Variants in PTPRT observed in about 807,000 individuals in gnomAD.
PTPRT encodes protein tyrosine phosphatase receptor type T.
A neutral mutation model predicts 176.8 loss-of-function variants in PTPRT; 56 were observed. That is an observed-to-expected ratio of 0.32 (90% CI 0.26 to 0.40). The LOEUF is 0.40. PTPRT is among the 10% of genes least tolerant of loss of function. PTPRT has a pLI of 1.00. For missense variants in PTPRT, 1,540 were observed against 1,908.2 expected (o/e 0.81, Z 3.60); for synonymous variants, 783 against 739.0 (o/e 1.06, Z -0.96).
chr20:42,965,539 A>T (rs556478087), intron 1 of PTPRT, among the ~76,000 whole-genome samples: 2 of 152,314 alleles, frequency 1.3e-5, no homozygotes, highest in African/African-American at 4.8e-5. Flanking sequence ...TTTAACAAAC[A>T]CCTCATGGAA....
intron 1 of PTPRT, among the ~76,000 whole-genome samples, chr20:42,942,345 T>C (rs1980607396): frequency 6.6e-6 from 1 of 152,188 alleles, no homozygotes; most frequent in African/African-American, 2.4e-5. Context: ...GAAGAACATA[T>C]ACAAACAAAT....
At chr20:42,916,698 C>T (rs1041649166) in intron 1 of PTPRT, among the ~76,000 whole-genome samples, 4 of 152,162 alleles carry the variant, frequency 2.6e-5, no homozygotes, top group Non-Finnish European at 5.9e-5. Context: ...TTTTGATTTG[C>T]ATTTCTCTGA....
At chr20:42,911,976 C>CTTTT (rs11475084) in intron 1 of PTPRT, among the ~76,000 whole-genome samples, 2 of 124,318 alleles carry the variant, frequency 1.6e-5, no homozygotes, top group African/African-American at 3.0e-5. Context: ...ATCCTCTTTT[C>CTTTT]TTTTTTTTTT....
At chr20:42,872,887 G>T (rs1456886215) in intron 2 of PTPRT, among the ~76,000 whole-genome samples, 1 of 152,136 alleles carries the variant, frequency 6.6e-6, no homozygotes, top group African/African-American at 2.4e-5. Context: ...TCTGGGATGA[G>T]TTCCCAGGGA....
At chr20:42,155,820 C>T (rs771953771) in intron 17 of PTPRT, among the ~76,000 whole-genome samples, 11 of 152,166 alleles carry the variant, frequency 7.2e-5, no homozygotes, top group Non-Finnish European at 1.3e-4. Context: ...GAATTACTGT[C>T]CCAGCCGCCT....
At chr20:42,817,757 G>C (rs1396552332) in intron 2 of PTPRT, among the ~76,000 whole-genome samples, 1 of 152,196 alleles carries the variant, frequency 6.6e-6, no homozygotes, top group African/African-American at 2.4e-5. Flanking sequence ...GTGGCAGTCT[G>C]AGGCCAGCGT....
chr20:42,050,535 CACAATG>C, the PTPRT span, among the ~76,000 whole-genome samples: 1 of 152,138 alleles, frequency 6.6e-6, no homozygotes, highest in Non-Finnish European at 1.5e-5. Context: ...GGCTGTCTCC[CACAATG>C]GACCATGTAT....
At chr20:42,671,884 C>A (rs2146041036) in intron 7 of PTPRT, among the ~76,000 whole-genome samples, 1 of 152,212 alleles carries the variant, frequency 6.6e-6, no homozygotes, top group African/African-American at 2.4e-5. Flanking sequence ...CTAAGAAGTC[C>A]CTTTGATCCT....
chr20:42,562,688 ATGCCCAGAGGCACCT>A (rs894052088), intron 7 of PTPRT, among the ~76,000 whole-genome samples: 2 of 152,190 alleles, frequency 1.3e-5, no homozygotes, highest in Admixed American at 1.3e-4. Flanking sequence ...GCACATTTTG[ATGCCCAGAGGCACCT>A]GAGGCTCAGC....
At chr20:42,807,765 C>T (rs1437710908) in intron 2 of PTPRT, among the ~76,000 whole-genome samples, 2 of 152,214 alleles carry the variant, frequency 1.3e-5, no homozygotes, top group Non-Finnish European at 2.9e-5. Flanking sequence ...CATTTGTTCA[C>T]TCATTCATTC....
chr20:42,840,914 A>G (rs1218944427), intron 2 of PTPRT, among the ~76,000 whole-genome samples: 1 of 152,034 alleles, frequency 6.6e-6, no homozygotes, highest in Non-Finnish European at 1.5e-5. Flanking sequence ...AGAAGCCTCT[A>G]CCTTTCTCCT....
intron 1 of PTPRT, among the ~76,000 whole-genome samples, chr20:42,956,918 CA>C (rs1284898729): frequency 6.6e-6 from 1 of 152,126 alleles, no homozygotes; most frequent in Non-Finnish European, 1.5e-5. Flanking sequence ...CATTCAGTGG[CA>C]AAAAGCATTC....
intron 1 of PTPRT, among the ~76,000 whole-genome samples, chr20:43,080,295 C>T (rs1281795173): frequency 1.3e-5 from 2 of 152,212 alleles, no homozygotes; most frequent in Non-Finnish European, 2.9e-5. Flanking sequence ...AGCCTGGCTC[C>T]TGCAGTGACG....
At chr20:43,035,750 G>A (rs1162962342) in intron 1 of PTPRT, among the ~76,000 whole-genome samples, 1 of 152,228 alleles carries the variant, frequency 6.6e-6, no homozygotes, top group Non-Finnish European at 1.5e-5. Context: ...TAAGAAAACA[G>A]AATTTGGAGT....
At chr20:42,921,316 C>G (rs922038793) in intron 1 of PTPRT, among the ~76,000 whole-genome samples, 2 of 152,130 alleles carry the variant, frequency 1.3e-5, no homozygotes, top group Non-Finnish European at 2.9e-5. Context: ...GGCCAGGAGT[C>G]CAAGACAAGC....
intron 2 of PTPRT, 35 bp from the exon 3 acceptor site, chr20:42,791,501 A>G (rs2145551904): frequency 6.4e-7 from 1 of 1,570,330 alleles, no homozygotes. Flanking sequence ...AAGTAGAGAC[A>G]AAGAGAAAGT....
rs6124474 is a variant in PTPRT, at chr20:42,572,713, A to G, written c.1154-100151T>C. 3.2e-4 allele frequency among the ~76,000 whole-genome samples: 48 copies of G among 152,302 alleles called. No homozygotes were observed. The East Asian group carries it at 8.5e-3, about 27-fold the overall frequency. On this transcript the variant is annotated intron_variant, in intron 7 of 30. Coordinates refer to ENST00000373187, the MANE Select transcript of PTPRT (RefSeq NM_007050.6). ...TTTTTAATTAGTTGTTTAGCTTTTA[A>G]TCAAAGTTTGGTATCTATCCAGGAA...
chr20:43,004,399 T>G (rs1200018205), intron 1 of PTPRT, among the ~76,000 whole-genome samples: 1 of 152,042 alleles, frequency 6.6e-6, no homozygotes, highest in Non-Finnish European at 1.5e-5. Context: ...CAGCAGCAAA[T>G]AAAACAAGGT....
At position 42,077,467 on chromosome 20, in the gene PTPRT, A is replaced by C. The variant is rs1011493363; in HGVS notation, c.*3412T>G. ...TGTAAAGACTCAGAGAGCATTAATAATATTTTCCTCTGCTCATGACAGGCT... is the reference window on the plus strand; with the variant it reads ...TGTAAAGACTCAGAGAGCATTAATACTATTTTCCTCTGCTCATGACAGGCT... On this transcript the variant is annotated 3_prime_UTR_variant, in exon 31 of 31. Coordinates refer to ENST00000373187, the MANE Select transcript of PTPRT (RefSeq NM_007050.6). 4 of 223,466 alleles carry C rather than the reference A, an allele frequency of 1.8e-5. No individual in the cohort carries two copies. The highest frequency in any genetic ancestry group is 2.7e-5 in the Non-Finnish European group (3 of 111,922). 13.8% of individuals were successfully genotyped at this position (223,466 alleles called of 1,614,324 possible).
Sources: allele counts gnomAD v4.1 joint callset (sites outside exome capture counted in the v4.1 genomes callset), GRCh38; gene constraint gnomAD v4.1.1; transcripts MANE v1.5; gene names NCBI Gene and HGNC (gene_info 2026-07-23, HGNC 2026-07-21).